The following KLHL29 variants were observed in gnomAD, a reference collection of about 807,000 sequenced individuals.
KLHL29 encodes the protein kelch-like protein 29.
A neutral mutation model predicts 80.4 loss-of-function variants in KLHL29; 21 were observed. The ratio of observed to expected loss-of-function variants is 0.26; its 90% confidence interval spans 0.19 to 0.38. The LOEUF (loss-of-function observed/expected upper bound fraction) is 0.38. Among genes scored for constraint, KLHL29 ranks in the 10% least tolerant of loss-of-function variants. The pLI, the probability that KLHL29 is intolerant of heterozygous loss-of-function variation, is 1.00. For synonymous variants in KLHL29, 511 were observed against 526.8 expected (o/e 0.97, Z 0.41); for missense variants, 867 against 1,223.9 (o/e 0.71, Z 4.35).
rs1672838452 is a variant in KLHL29 at position 23,708,136 on chromosome 2, G to A, written c.*1472G>A. On this transcript the variant is annotated 3_prime_UTR_variant, in exon 14 of 14. Transcript: ENST00000486442. ...GACAGGACACGCTTTCCATCGTTCAGTATTTGATGACACAAAATTCCAGTT... is the reference window on the plus strand; with the variant it reads ...GACAGGACACGCTTTCCATCGTTCAATATTTGATGACACAAAATTCCAGTT... 6.6e-6 allele frequency: 1 copy of A among 152,246 alleles called. No homozygotes were observed. The highest frequency in any genetic ancestry group is 1.9e-4 in the East Asian group (1 of 5,204). The allele number at this position is 152,246 out of a possible 1,614,324, so 9.4% of individuals were successfully genotyped here. A position where few individuals can be genotyped will look rare whatever the true frequency, so the allele number is the denominator to read the frequency against.
chr2:23,461,527 G>A (rs944549100), intron 1 of KLHL29, among the ~76,000 whole-genome samples: 4 of 152,176 alleles, frequency 2.6e-5, no homozygotes, highest in African/African-American at 9.7e-5. Context: ...AGGTGCTCTG[G>A]CTGAAATGCC....
chr2:23,519,117 T>C (rs1558369708), intron 2 of KLHL29, among the ~76,000 whole-genome samples: 1 of 152,124 alleles, frequency 6.6e-6, no homozygotes, highest in East Asian at 1.9e-4. Context: ...GCTTTTCTCA[T>C]GTTCTGTGGG....
intron 3 of KLHL29, among the ~76,000 whole-genome samples, chr2:23,629,725 G>A (rs1669420559): frequency 6.6e-6 from 1 of 152,184 alleles, no homozygotes; most frequent in Non-Finnish European, 1.5e-5. Flanking sequence ...CTTTGATGTT[G>A]GAAAAGGGAA....
intron 3 of KLHL29, among the ~76,000 whole-genome samples, chr2:23,632,290 G>C (rs1487761316): frequency 1.3e-5 from 2 of 152,232 alleles, no homozygotes; most frequent in Admixed American, 6.5e-5. Flanking sequence ...TCCCAAGCCT[G>C]AGTTTCTACC....
At chr2:23,476,710 G>T (rs571763329) in intron 2 of KLHL29, among the ~76,000 whole-genome samples, 69 of 152,312 alleles carry the variant, frequency 4.5e-4, no homozygotes, top group Non-Finnish European at 9.1e-4. Flanking sequence ...TGTTGCATAT[G>T]TATCTGCATA....
intron 3 of KLHL29, among the ~76,000 whole-genome samples, chr2:23,566,066 G>A (rs190028760): frequency 2.0e-5 from 3 of 152,350 alleles, no homozygotes; most frequent in African/African-American, 7.2e-5. Context: ...GGCCGGTGAG[G>A]TGATGACAAT....
intron 3 of KLHL29, among the ~76,000 whole-genome samples, chr2:23,615,525 G>A (rs150900815): frequency 7.2e-4 from 110 of 152,202 alleles, no homozygotes; most frequent in Middle Eastern, 3.4e-3. Context: ...CAGGGAGGAC[G>A]TCCCCGGGCT....
chr2:23,606,550 G>A (rs1668733645), intron 3 of KLHL29, among the ~76,000 whole-genome samples: 1 of 152,210 alleles, frequency 6.6e-6, no homozygotes, highest in African/African-American at 2.4e-5. Context: ...ACAATTAAAG[G>A]ATCACTTTAT....
At chr2:23,443,291 A>G (rs572631399) in intron 1 of KLHL29, among the ~76,000 whole-genome samples, 6 of 152,350 alleles carry the variant, frequency 3.9e-5, no homozygotes, top group Non-Finnish European at 7.3e-5. Flanking sequence ...TGTCCTAACT[A>G]TAGGGACATT....
In KLHL29 at chr2:23,562,102, G is replaced by A. The variant is rs919448778; in HGVS notation, c.-45-50G>A. On this transcript the variant is annotated intron_variant, in intron 2 of 13. Transcript: ENST00000486442. This position sits in a 1 kb window ranked among gnomAD's most constrained non-coding sequence, Gnocchi z 4.5. ...GGCTTCATGGATGCTGTCAGTTGTC[G>A]CTGCCTGCTCCAGTCCTAAATCACC... is the stretch of plus-strand genomic sequence containing the variant. 3.1e-5 allele frequency: 44 copies of A among 1,439,538 alleles called. No individual in the cohort carries two copies. In the African/African-American group the frequency reaches 4.5e-4, roughly 15 times the overall value. The allele number at this position is 1,439,538 out of a possible 1,614,324, so 89.2% of individuals were successfully genotyped here.
intron 2 of KLHL29, among the ~76,000 whole-genome samples, chr2:23,495,744 C>T (rs1665243615): frequency 6.6e-6 from 1 of 152,242 alleles, no homozygotes. Flanking sequence ...CCAGAACAGG[C>T]TCCGGCTCAT....
At chr2:23,435,883 C>G (rs1572510976) in intron 1 of KLHL29, among the ~76,000 whole-genome samples, 1 of 148,456 alleles carries the variant, frequency 6.7e-6, no homozygotes, top group African/African-American at 2.5e-5. Context: ...GGTTTTCTTT[C>G]TTTCTCTCTC....
Position 23,696,632 on chromosome 2 carries a change from C to T in KLHL29, c.2105+119C>T. The T allele has an allele frequency of 1.3e-6, 1 of 773,776 alleles. No individual in the cohort carries two copies. The highest frequency in any genetic ancestry group is 2.0e-6 in the Non-Finnish European group (1 of 491,478). The allele number at this position is 773,776 out of a possible 1,614,324, so 47.9% of individuals were successfully genotyped here. On this transcript the variant is annotated intron_variant, in intron 11 of 13. Coordinates refer to ENST00000486442, the MANE Select transcript of KLHL29 (RefSeq NM_052920.2). This position sits in a 1 kb window ranked among gnomAD's most constrained non-coding sequence, Gnocchi z 5.5. ...GCGATGGAGCAGAGCCTGGACCATT[C>T]ATATGGGCAGTCATCCCAGGCTCTT...
intron 1 of KLHL29, among the ~76,000 whole-genome samples, chr2:23,473,411 A>G (rs1664549569): frequency 6.6e-6 from 1 of 152,146 alleles, no homozygotes; most frequent in Non-Finnish European, 1.5e-5. Flanking sequence ...ATAATAGCCA[A>G]TGGGTCATTC....
At chr2:23,576,624 A>T (rs867026371) in intron 3 of KLHL29, among the ~76,000 whole-genome samples, 5 of 152,226 alleles carry the variant, frequency 3.3e-5, no homozygotes, top group Non-Finnish European at 7.3e-5. Flanking sequence ...CACCGGGCTG[A>T]TGGGGCCCCA....
chr2:23,675,744 C>T (rs2149179651), intron 5 of KLHL29, among the ~76,000 whole-genome samples: 1 of 152,356 alleles, frequency 6.6e-6, no homozygotes, highest in Non-Finnish European at 1.5e-5. Context: ...GCTTTAGCAA[C>T]TGTAGATTGC....
At chr2:23,591,955 G>A (rs1464779488) in intron 3 of KLHL29, among the ~76,000 whole-genome samples, 1 of 152,204 alleles carries the variant, frequency 6.6e-6, no homozygotes, top group East Asian at 1.9e-4. Context: ...AGTCTTTCTT[G>A]CCAAGCCCGT....
chr2:23,449,219 T>G lies in KLHL29; in HGVS notation c.-153-26341T>G, dbSNP rs148233146. On this transcript the variant is annotated intron_variant, in intron 1 of 13. Transcript: ENST00000486442. ...TTCTTCAGCAGGTTCACAGCTCTAG[T>G]CCATGTGTCTGTATGGTACAAGGAG... is the stretch of plus-strand genomic sequence containing the variant. Among the ~76,000 whole-genome samples, 298 of 152,290 alleles carry G rather than the reference T, an allele frequency of 2.0e-3. 3 individuals are homozygous for G. Among genetic ancestry groups the G allele is most frequent in the African/African-American group, 6.6e-3 (275 of 41,564 alleles).
chr2:23,599,709 C>T (rs1000758140), intron 3 of KLHL29, among the ~76,000 whole-genome samples: 8 of 152,226 alleles, frequency 5.3e-5, no homozygotes, highest in Non-Finnish European at 8.8e-5. Flanking sequence ...CAATAGCATG[C>T]ATAATTTTTT....
Sources: allele counts gnomAD v4.1 joint callset (sites outside exome capture counted in the v4.1 genomes callset), GRCh38; gene constraint gnomAD v4.1.1; non-coding constraint Gnocchi (gnomAD v3.1); transcripts MANE v1.5; gene names NCBI Gene and HGNC (gene_info 2026-07-23, HGNC 2026-07-21).